The following SIK2 variants were observed in gnomAD, a reference collection of about 807,000 sequenced individuals.
SIK2 encodes the protein serine/threonine-protein kinase SIK2.
SIK2 carries 29 observed loss-of-function variants against 103.2 expected under a neutral mutation model. The observed-to-expected ratio is 0.28, with a 90% CI of 0.21 to 0.38. The LOEUF (loss-of-function observed/expected upper bound fraction) is 0.38. SIK2 is among the 10% of genes least tolerant of loss of function. The pLI is 1.00. For missense variants in SIK2, 879 were observed against 1,171.0 expected (o/e 0.75, Z 3.64); for synonymous variants, 412 against 446.1 (o/e 0.92, Z 0.96).
At chr11:111,646,440 A>G (rs1044623972) in intron 3 of SIK2, among the ~76,000 whole-genome samples, 3 of 152,018 alleles carry the variant, frequency 2.0e-5, no homozygotes, top group African/African-American at 7.3e-5. Context: ...CAAGAGTGAA[A>G]CTCCTTTCTA....
intron 3 of SIK2, among the ~76,000 whole-genome samples, chr11:111,625,021 C>A (rs1941943220): frequency 6.6e-6 from 1 of 151,908 alleles, no homozygotes; most frequent in Non-Finnish European, 1.5e-5. Flanking sequence ...GCCAGTATGG[C>A]TCAAGAGGAG....
intron 1 of SIK2, among the ~76,000 whole-genome samples, chr11:111,611,116 GTGCA>G (rs1941720032): frequency 6.6e-6 from 1 of 151,384 alleles, no homozygotes; most frequent in African/African-American, 2.4e-5. Flanking sequence ...GTGTGTGTGT[GTGCA>G]CACCTGTAGT....
Position 111,729,289 on chromosome 11 carries a change from G to C in SIK2, c.*5160G>C, listed in dbSNP as rs1184620119. ...CTGGGGCACAGATAGAGAACCAGGC[G>C]GCAGCAGTGCTCGCAGACCCACCCA... On this transcript the variant is annotated 3_prime_UTR_variant, in exon 15 of 15. Coordinates refer to ENST00000304987, the MANE Select transcript of SIK2 (RefSeq NM_015191.3). 1 of 152,290 alleles carries C rather than the reference G, an allele frequency of 6.6e-6. No homozygotes were observed. Among genetic ancestry groups the C allele is most frequent in the Non-Finnish European group, 1.5e-5 (1 of 68,116 alleles). The allele number at this position is 152,290 out of a possible 1,614,324, so 9.4% of individuals were successfully genotyped here.
chr11:111,637,363 C>A (rs1362909417), intron 3 of SIK2, among the ~76,000 whole-genome samples: 1 of 148,840 alleles, frequency 6.7e-6, no homozygotes, highest in East Asian at 2.0e-4. Flanking sequence ...GCTTTAAATT[C>A]TTGGATACAT....
chr11:111,695,419 T>A (rs1943048383), intron 4 of SIK2, among the ~76,000 whole-genome samples: 1 of 151,918 alleles, frequency 6.6e-6, no homozygotes, highest in Admixed American at 6.6e-5. Flanking sequence ...TTTCCTGTTT[T>A]AAAAAAAAGG....
At chr11:111,714,855 G>A (rs1297357672) in intron 9 of SIK2, among the ~76,000 whole-genome samples, 1 of 152,180 alleles carries the variant, frequency 6.6e-6, no homozygotes, top group African/African-American at 2.4e-5. Flanking sequence ...GTCTGTGGTT[G>A]CTACTACAGT....
At chr11:111,660,988 C>T (rs568770108) in intron 3 of SIK2, among the ~76,000 whole-genome samples, 13 of 152,002 alleles carry the variant, frequency 8.6e-5, no homozygotes, top group East Asian at 3.9e-4. Flanking sequence ...CACACACCAC[C>T]GTACCCAGCT....
chr11:111,613,860 C>T (rs1307437391), intron 1 of SIK2, among the ~76,000 whole-genome samples: 4 of 151,920 alleles, frequency 2.6e-5, no homozygotes, highest in Non-Finnish European at 5.9e-5. Flanking sequence ...TTGCAGAGTT[C>T]TACAATTAAT....
At chr11:111,697,680 AT>A (rs969009208) in intron 4 of SIK2, among the ~76,000 whole-genome samples, 3 of 152,080 alleles carry the variant, frequency 2.0e-5, no homozygotes, top group Admixed American at 2.0e-4. Context: ...TCCTTAACCC[AT>A]TCTTCAGATG....
At chr11:111,681,885 C>T (rs896684797) in intron 3 of SIK2, among the ~76,000 whole-genome samples, 7 of 152,126 alleles carry the variant, frequency 4.6e-5, no homozygotes, top group Non-Finnish European at 8.8e-5. Context: ...GCCCCTGTTC[C>T]AGCATCTTAA....
intron 4 of SIK2, among the ~76,000 whole-genome samples, chr11:111,695,863 G>T (rs889485185): frequency 6.6e-6 from 1 of 152,156 alleles, no homozygotes; most frequent in African/African-American, 2.4e-5. Context: ...AAAACATTGT[G>T]CCTTTGCTAA....
At position 111,723,957 on chromosome 11, in the gene SIK2, A is replaced by T. The variant is rs779256626; in HGVS notation, c.2609A>T (p.Asp870Val). 6.2e-7 allele frequency: 1 copy of T among 1,614,042 alleles called. No individual in the cohort carries two copies. The highest frequency in any genetic ancestry group is 2.2e-5 in the East Asian group (1 of 44,872). ...DYPTPCQYPV[D>V]GAQQSDLTGP... ...CCCACTCCCTGTCAGTATCCTGTGG[A>T]TGGAGCCCAGCAGAGCGACCTAACG... The change falls in exon 15 of 15, where the codon GAT (aspartate) becomes GTT (valine). Residue 870 changes from aspartate (D) to valine (V), a missense_variant. Asp to Val is a radical substitution (Grantham distance 152). Transcript: ENST00000304987.
chr11:111,605,072 C>T (rs1206167346), intron 1 of SIK2, among the ~76,000 whole-genome samples: 1 of 151,636 alleles, frequency 6.6e-6, no homozygotes, highest in Non-Finnish European at 1.5e-5. Flanking sequence ...GAGCGATTCT[C>T]CTGCCTCACC....
intron 3 of SIK2, among the ~76,000 whole-genome samples, chr11:111,655,476 CT>C (rs1942380256): frequency 6.6e-6 from 1 of 152,216 alleles, no homozygotes; most frequent in South Asian, 2.1e-4. Flanking sequence ...AAATCCCAAA[CT>C]GCTTCTATAG....
At chr11:111,620,455 A>G in intron 3 of SIK2, 53 bp downstream of exon 3, 1 of 1,113,840 alleles carries the variant, frequency 9.0e-7, no homozygotes, top group Non-Finnish European at 1.3e-6. Flanking sequence ...ACTAATCTGC[A>G]TGAATGGGGT....
rs11337076 is a variant in SIK2, at chr11:111,656,023, CAA to C, written c.317-31961_317-31960del. On this transcript the variant is annotated intron_variant, in intron 3 of 14. Transcript: ENST00000304987. ...CACAACCCTGTCTATACTAAAAATGCAAAAAAAAAAAAAAAAAATAGCCTGGT... is the reference window on the plus strand; with the variant it reads ...CACAACCCTGTCTATACTAAAAATGCAAAAAAAAAAAAAAAATAGCCTGGT... Among the ~76,000 whole-genome samples, 813 of 121,868 alleles carry C rather than the reference CAA, an allele frequency of 6.7e-3. 2 individuals are homozygous for C. Among genetic ancestry groups the C allele is most frequent in the Middle Eastern group, 8.3e-3 (2 of 242 alleles). The allele number at this position is 121,868 out of a possible 152,430, so 80.0% of individuals were successfully genotyped here. A position where few individuals can be genotyped will look rare whatever the true frequency, so the allele number is the denominator to read the frequency against.
At chr11:111,635,603 A>G (rs574894024) in intron 3 of SIK2, among the ~76,000 whole-genome samples, 27 of 152,252 alleles carry the variant, frequency 1.8e-4, no homozygotes, top group Non-Finnish European at 3.4e-4. Context: ...AAGTTTTTCA[A>G]CATGGATTTG....
chr11:111,644,274 C>G (rs1430638256), intron 3 of SIK2, among the ~76,000 whole-genome samples: 1 of 126,250 alleles, frequency 7.9e-6, no homozygotes, highest in Non-Finnish European at 1.6e-5. Context: ...GGCGACAGAG[C>G]GAGACTCCAT....
At chr11:111,723,082 C>T (rs1198749981) in intron 14 of SIK2, among the ~76,000 whole-genome samples, 3 of 152,168 alleles carry the variant, frequency 2.0e-5, no homozygotes, top group Non-Finnish European at 4.4e-5. Context: ...CTTCCGTCCT[C>T]CCTTACTATC....
Sources: gnomAD v4.1 joint callset for allele counts (sites outside exome capture counted in the v4.1 genomes callset) on GRCh38, gnomAD v4.1.1 for gene constraint, MANE v1.5 for transcripts, NCBI Gene and HGNC (gene_info 2026-07-23, HGNC 2026-07-21) for gene names.